The following PSG1 variants were observed in gnomAD, a reference collection of about 807,000 sequenced individuals.
PSG1 encodes the protein pregnancy specific beta-1-glycoprotein 1.
A neutral mutation model predicts 41.4 loss-of-function variants in PSG1; 60 were observed. The observed-to-expected ratio is 1.45, with a 90% CI of 1.18 to 1.80. The LOEUF is 1.80. PSG1 is among the 40% of genes most tolerant of loss of function. The pLI is 0.00. For synonymous variants in PSG1, 256 were observed against 192.9 expected, an observed-to-expected ratio of 1.33 and a Z score of -2.71; for missense variants, 806 against 516.9, an observed-to-expected ratio of 1.56 and a Z score of -5.42.
intron 5 of PSG1, chr19:42,867,451 A>T: frequency 1.7e-6 from 1 of 576,704 alleles, no homozygotes; most frequent in South Asian, 2.3e-5. Flanking sequence ...CCTCTTGAGA[A>T]TAGGAAGCCA....
chr19:42,873,671 A>C (rs2122531736), intron 2 of PSG1, among the ~76,000 whole-genome samples: 1 of 151,794 alleles, frequency 6.6e-6, no homozygotes, highest in Non-Finnish European at 1.5e-5. Flanking sequence ...AGGTGATTTG[A>C]AATTAGCAGC....
rs1338068117 is a variant in PSG1 at position 42,866,704 on chromosome 19, C to G, written c.*430G>C. The G allele has an allele frequency of 5.3e-6, 2 of 378,184 alleles. No homozygotes were observed. Among genetic ancestry groups the G allele is most frequent in the African/African-American group, 2.0e-5 (1 of 49,152 alleles). 23.4% of individuals were successfully genotyped at this position (378,184 alleles called of 1,614,324 possible). On this transcript the variant is annotated 3_prime_UTR_variant, in exon 6 of 6. Transcript: ENST00000436291. ...AAGGTGGAGAGAGCCACATTTCCCC[C>G]TGAGATGTTATGTAAAAGTTTGAGG...
chr19:42,877,477 G>C (rs1286099111), intron 2 of PSG1, among the ~76,000 whole-genome samples: 1 of 151,634 alleles, frequency 6.6e-6, no homozygotes, highest in Non-Finnish European at 1.5e-5. Flanking sequence ...CCCAGCACAG[G>C]CTCCTCAGCT....
intron 2 of PSG1, among the ~76,000 whole-genome samples, chr19:42,875,797 C>G: frequency 6.7e-6 from 1 of 149,448 alleles, no homozygotes; most frequent in Non-Finnish European, 1.5e-5. Flanking sequence ...ACCGCCATTT[C>G]AATTATTTTA....
chr19:42,869,058 T>C, intron 3 of PSG1, 24 bp from the exon 4 acceptor site: 1 of 1,598,496 alleles, frequency 6.3e-7, no homozygotes, highest in Non-Finnish European at 8.5e-7. Context: ...AGAGAGAAGA[T>C]TGTCCTGTGT....
Position 42,871,822 on chromosome 19 carries a change from T to A in PSG1, c.654A>T (p.Glu218Asp), listed in dbSNP as rs2122516966. 6.2e-7 allele frequency: 1 copy of A among 1,612,566 alleles called. No individual in the cohort carries two copies. Among genetic ancestry groups the A allele is most frequent in the East Asian group, 2.2e-5 (1 of 44,796 alleles). ...GGCTGGCACTCACTGGGTTCCGTAT[T>A]TCACATTCATAGGGTCCTGCAGTAT... ...TKYTAGPYEC[E>D]IRNPVSASRS... The change falls in exon 3 of 6, where the codon GAA (glutamate) becomes GAT (aspartate). Residue 218 changes from glutamate (E) to aspartate (D), a missense_variant. Physicochemically the swap from Glu to Asp is conservative, Grantham distance 45. Coordinates refer to ENST00000436291, the MANE Select transcript of PSG1 (RefSeq NM_001184825.2).
chr19:42,872,721 G>T (rs975719603), intron 2 of PSG1, among the ~76,000 whole-genome samples: 2 of 151,614 alleles, frequency 1.3e-5, no homozygotes, highest in African/African-American at 4.8e-5. Context: ...AGAGTGAAGG[G>T]GATAGGCAAG....
At chr19:42,879,311 C>T (rs191728705) in intron 1 of PSG1, among the ~76,000 whole-genome samples, 1 of 151,260 alleles carries the variant, frequency 6.6e-6, no homozygotes, top group Non-Finnish European at 1.5e-5. Flanking sequence ...CACCACCATA[C>T]CTGGTTAAAT....
In PSG1 at chr19:42,878,038, T is replaced by G. The variant is rs1353912808; in HGVS notation, c.305A>C (p.Tyr102Ser). 1.9e-6 allele frequency: 3 copies of G among 1,612,492 alleles called. No individual in the cohort carries two copies. Among genetic ancestry groups the G allele is most frequent in the South Asian group, 2.2e-5 (2 of 90,840 alleles). ...GPAYSGRETA[Y>S]SNASLLIQNV... ...CTGGATCAGCAGGGATGCATTGGAA[T>G]ATGCTGTTTCTCGTCCACTATATGC... The change falls in exon 2 of 6, where the codon TAT (tyrosine) becomes TCT (serine). Residue 102 changes from tyrosine to serine, a missense_variant. Physicochemically the swap from Tyr to Ser is moderately radical, Grantham distance 144. Coordinates refer to ENST00000436291, the MANE Select transcript of PSG1 (RefSeq NM_001184825.2).
In PSG1 at chr19:42,877,959, A is replaced by G. The variant is rs1362910084; in HGVS notation, c.384T>C (p.Asp128=). 2.3e-5 allele frequency: 37 copies of G among 1,612,212 alleles called. No homozygotes were observed. Among genetic ancestry groups the G allele is most frequent in the Non-Finnish European group, 2.9e-5 (34 of 1,179,140 alleles). Residue 128 remains aspartate, a synonymous_variant, in exon 2 of 6, where the codon GAT becomes GAC. Transcript: ENST00000436291. Reference sequence around the variant, plus strand: ...GTCCAGTTACTCCTCTAGTCCCATCATCTCCCTTTATGATGTGTAAGGTGT... The same window carrying G: ...GTCCAGTTACTCCTCTAGTCCCATCGTCTCCCTTTATGATGTGTAAGGTGT... ...GSYTLHIIKG[D]DGTRGVTGRF... is the part of the protein sequence containing the mutation.
rs748506939 is a variant in PSG1 at position 42,879,508 on chromosome 19, C to A, written c.64+10G>T. On this transcript the variant is annotated intron_variant, in intron 1 of 5. Coordinates refer to ENST00000436291, the MANE Select transcript of PSG1 (RefSeq NM_001184825.2). ...TCCTCCTGTCCTCTCCCAGGAAGTT[C>A]TCTCCTCACCTGTGAGCAGGAGCCC... 6.2e-7 allele frequency: 1 copy of A among 1,609,184 alleles called. No individual in the cohort carries two copies. The highest frequency in any genetic ancestry group is 8.5e-7 in the Non-Finnish European group (1 of 1,177,118).
rs570891682 is a variant in PSG1 at position 42,876,497 on chromosome 19, G to C, written c.430+1416C>G. Reference sequence around the variant, plus strand: ...CTGCATCCAAGATCCAATCTCTAAAGAGGTTTTGGATCATTCATTTCTTCA... The same window carrying C: ...CTGCATCCAAGATCCAATCTCTAAACAGGTTTTGGATCATTCATTTCTTCA... On this transcript the variant is annotated intron_variant, in intron 2 of 5. Coordinates refer to ENST00000436291, the MANE Select transcript of PSG1 (RefSeq NM_001184825.2). Among the ~76,000 whole-genome samples, 66 of 151,570 alleles carry C rather than the reference G, an allele frequency of 4.4e-4. 4 individuals are homozygous for C. The highest frequency in any genetic ancestry group is 1.6e-3 in the African/African-American group (66 of 41,326).
rs1269542321 is a variant in PSG1 at position 42,867,120 on chromosome 19, G to A, written c.*14C>T. 2 of 772,054 alleles carry A rather than the reference G, an allele frequency of 2.6e-6. No individual in the cohort carries two copies. Among genetic ancestry groups the A allele is most frequent in the African/African-American group, 1.7e-5 (1 of 58,932 alleles). The allele number at this position is 772,054 out of a possible 1,614,324, so 47.8% of individuals were successfully genotyped here. On this transcript the variant is annotated 3_prime_UTR_variant, in exon 6 of 6. Transcript: ENST00000436291. ...TTCCATGGGAGAAAATGGAATTGGA[G>A]GTACTAGTAGAATTCAGGGAACTGT...
intron 2 of PSG1, 78 bp downstream of exon 2, chr19:42,877,835 A>G: frequency 6.2e-7 from 1 of 1,607,974 alleles, no homozygotes; most frequent in Non-Finnish European, 8.5e-7. Flanking sequence ...GGCAGAGTCC[A>G]GGCCTGACAA....
intron 3 of PSG1, chr19:42,870,147 G>C (rs1047945362): frequency 2.6e-5 from 4 of 151,934 alleles, no homozygotes; most frequent in African/African-American, 9.6e-5. Flanking sequence ...GGAGGTTCTA[G>C]AGAACTGCTG....
chr19:42,878,435 G>T (rs1052730826), intron 1 of PSG1, 157 bp from the exon 2 acceptor site: 4 of 1,251,860 alleles, frequency 3.2e-6, no homozygotes. Flanking sequence ...ACACAAAAGC[G>T]GCATGTGTGA....
At chr19:42,876,911 G>A (rs1971631274) in intron 2 of PSG1, 1 of 152,164 alleles carries the variant, frequency 6.6e-6, no homozygotes, top group African/African-American at 2.4e-5. Context: ...GGATGGGCCT[G>A]TGGCTACAGA....
rs546346429 is a variant in PSG1 at position 42,868,795 on chromosome 19, C to G, written c.949G>C (p.Gly317Arg). Reference protein sequence around the residue: ...PYQCEIRDRYGGIRSDPVTLN... With the variant: ...PYQCEIRDRYRGIRSDPVTLN... Reference sequence around the variant, plus strand: ...GTGACTGGGTCACTGCGGATGCCACCATATCGGTCCCGTATTTCACATTGA... The same window carrying G: ...GTGACTGGGTCACTGCGGATGCCACGATATCGGTCCCGTATTTCACATTGA... The change falls in exon 4 of 6, where the codon GGT (glycine) becomes CGT (arginine). Residue 317 changes from glycine (G) to arginine (R), a missense_variant. Coordinates refer to ENST00000436291, the MANE Select transcript of PSG1 (RefSeq NM_001184825.2). 37 of 1,612,018 alleles carry G rather than the reference C, an allele frequency of 2.3e-5. 1 individual carries two copies. The Middle Eastern group carries it at 5.1e-4, about 22-fold the overall frequency.
rs926008500 is a variant in PSG1 at position 42,866,964 on chromosome 19, G to A, written c.*170C>T. ...TACAGTTTGAGCATCTGTTGTTATG[G>A]TGTCGAATATTTTGGTGAGTTCTGA... On this transcript the variant is annotated 3_prime_UTR_variant, in exon 6 of 6. Coordinates refer to ENST00000436291, the MANE Select transcript of PSG1 (RefSeq NM_001184825.2). The A allele has an allele frequency of 7.9e-6, 6 of 756,214 alleles. No individual in the cohort carries two copies. The highest frequency in any genetic ancestry group is 3.4e-5 in the African/African-American group (2 of 58,714). 46.8% of individuals were successfully genotyped at this position (756,214 alleles called of 1,614,324 possible).
Sources: allele counts gnomAD v4.1 joint callset (sites outside exome capture counted in the v4.1 genomes callset), GRCh38; gene constraint gnomAD v4.1.1; transcripts MANE v1.5; gene names NCBI Gene and HGNC (gene_info 2026-07-23, HGNC 2026-07-21).